KIAA1210: variants seen among roughly 807,000 people sequenced by gnomAD.
KIAA1210 encodes acrosomal protein KIAA1210.
In KIAA1210, 48 loss-of-function variants were observed where a neutral mutation model predicts 78.9. The observed-to-expected ratio is 0.61, with a 90% CI of 0.48 to 0.77. The LOEUF is 0.77. Ranked by LOEUF, KIAA1210 falls within the 30% of genes least tolerant of loss-of-function variation. The pLI is 0.00. For missense variants in KIAA1210, 1,108 were observed against 1,100.0 expected (o/e 1.01, Z -0.10); for synonymous variants, 406 against 404.5 (o/e 1.00, Z -0.04).
chrX:119,087,934 T>C lies in KIAA1210; in HGVS notation c.2768A>G (p.Gln923Arg). ...AGTGCTTTCTGGATGTGCAGAGAGT[T>C]GATACAGTTCCTCAAATTTAGGGGT... Reference protein sequence around the residue: ...WVTPKFEELYQLSAHPESTTV... With the variant: ...WVTPKFEELYRLSAHPESTTV... Residue 923 changes from glutamine (Q) to arginine (R), a missense_variant, in exon 9 of 12, where the codon CAA becomes CGA. Transcript: ENST00000691062. The C allele has an allele frequency of 8.3e-7, 1 of 1,211,838 alleles. No homozygotes were observed. Among genetic ancestry groups the C allele is most frequent in the Non-Finnish European group, 1.1e-6 (1 of 895,428 alleles).
intron 6 of KIAA1210, among the ~76,000 whole-genome samples, chrX:119,101,988 T>G (rs1603267311): frequency 8.9e-6 from 1 of 112,907 alleles, no homozygotes; most frequent in Non-Finnish European, 1.9e-5. Context: ...AAGGAAAGTG[T>G]TTAACACAGT....
rs1927143354 is a variant in KIAA1210, at chrX:119,086,625, T to C, written c.4077A>G (p.Ile1359Met). ...TCTGTTGCTTATCTGCAACGTAAGA[T>C]ATTTTGGTGAGGTTCCCTGCAGCAT... ...LLDAAGNLTK[I>M]SYVADKQQSR... Residue 1359 changes from isoleucine (I) to methionine (M), a missense_variant, in exon 9 of 12, where the codon ATA (isoleucine) becomes ATG (methionine). Transcript: ENST00000691062. 6.6e-6 allele frequency: 8 copies of C among 1,211,379 alleles called. No homozygotes were observed. Among genetic ancestry groups the C allele is most frequent in the Non-Finnish European group, 8.9e-6 (8 of 895,339 alleles).
At chrX:119,092,202 G>A (rs1050621641) in intron 8 of KIAA1210, among the ~76,000 whole-genome samples, 2 of 111,960 alleles carry the variant, frequency 1.8e-5, no homozygotes, top group Non-Finnish European at 3.8e-5. Flanking sequence ...CAAGGTAGTA[G>A]TTGTACAGAT....
chrX:119,139,388 G>A (rs971354181), intron 2 of KIAA1210, among the ~76,000 whole-genome samples: 4 of 111,898 alleles, frequency 3.6e-5, no homozygotes, highest in Admixed American at 9.5e-5. Context: ...TGGGAGGGGA[G>A]TGGATGGTGA....
intron 8 of KIAA1210, among the ~76,000 whole-genome samples, chrX:119,093,089 T>C (rs1927437403): frequency 8.9e-6 from 1 of 112,073 alleles, no homozygotes; most frequent in South Asian, 3.7e-4. Flanking sequence ...ATTTTCACTC[T>C]GGTGATATTT....
In KIAA1210 at chrX:119,123,581, C is replaced by T; in HGVS notation, c.61+1G>A. 8.6e-7 allele frequency: 1 copy of T among 1,167,662 alleles called. No individual in the cohort carries two copies. ...TATCAAAGTTTTATTGGGTTACTTA[C>T]CCTCATCACCGGCCTCCAGAACATC... On this transcript the variant is annotated splice_donor_variant, in intron 2 of 11. Transcript: ENST00000691062. LOFTEE classifies it high-confidence loss of function.
At position 119,109,316 on chromosome X, in the gene KIAA1210, C is replaced by A. The variant is rs952496916; in HGVS notation, c.231-114G>T. On this transcript the variant is annotated intron_variant, in intron 3 of 11. Transcript: ENST00000691062. Reference sequence around the variant, plus strand: ...ATACCTCAGAAGGAGAGCAGGGATGCATATGTGCTGACATAGAAAGTGGTT... The same window carrying A: ...ATACCTCAGAAGGAGAGCAGGGATGAATATGTGCTGACATAGAAAGTGGTT... 3.2e-5 allele frequency: 23 copies of A among 709,874 alleles called. No individual in the cohort carries two copies. The African/African-American group carries it at 4.6e-4, about 14-fold the overall frequency. The allele number at this position is 709,874 out of a possible 1,213,427, so 58.5% of individuals were successfully genotyped here.
chrX:119,138,211 G>GTTTTTTTTTTTTTTTTTTTTTTTTTTTT (rs759946882), intron 2 of KIAA1210, among the ~76,000 whole-genome samples: 1 of 47,831 alleles, frequency 2.1e-5, no homozygotes, highest in Non-Finnish European at 3.4e-5. Flanking sequence ...TGGTTTGGTT[G>GTTTTTTTTTTTTTTTTTTTTTTTTTTTT]TTTTTTTTTT....
Position 119,150,404 on chromosome X carries a change from T to C in KIAA1210, c.176A>G (p.Glu59Gly), listed in dbSNP as rs188726653. Residue 59 changes from glutamate to glycine, a missense_variant, in exon 1 of 14, where the codon GAG becomes GGG. Coordinates refer to the KIAA1210 transcript ENST00000402510. ...GCCAAGCTCCCCCTTGGTGCTTCCC[T>C]CCTTCTTGCCTTTGTAAGTCAACCA... 3.0e-4 allele frequency: 367 copies of C among 1,209,739 alleles called. No individual in the cohort carries two copies. In the African/African-American group the frequency reaches 5.6e-3, roughly 18 times the overall value.
chrX:119,127,920 T>C (rs1928691210), upstream of KIAA1210, among the ~76,000 whole-genome samples: 1 of 111,161 alleles, frequency 9.0e-6, no homozygotes, highest in South Asian at 3.8e-4. Context: ...AACACCACAC[T>C]CCCTTAATTT....
intron 7 of KIAA1210, 61 bp from the exon 8 acceptor site, chrX:119,093,836 G>A: frequency 9.7e-7 from 1 of 1,026,668 alleles, no homozygotes; most frequent in Admixed American, 2.6e-5. Flanking sequence ...ACGCCTGCAT[G>A]GTTGCCAAAG....
intron 3 of KIAA1210, among the ~76,000 whole-genome samples, chrX:119,115,929 G>C (rs1195779275): frequency 8.9e-6 from 1 of 111,973 alleles, no homozygotes; most frequent in Non-Finnish European, 1.9e-5. Flanking sequence ...AGGGAGAAAG[G>C]GATCTGGGCT....
At chrX:119,138,900 C>A (rs1928983928) in intron 2 of KIAA1210, among the ~76,000 whole-genome samples, 1 of 111,796 alleles carries the variant, frequency 8.9e-6, no homozygotes, top group South Asian at 3.8e-4. Flanking sequence ...GGCCCCTGAC[C>A]CAGCTGGACA....
chrX:119,101,177 T>C (rs1927726421), intron 6 of KIAA1210, among the ~76,000 whole-genome samples: 1 of 112,553 alleles, frequency 8.9e-6, no homozygotes, highest in Admixed American at 9.4e-5. Flanking sequence ...CAAAGGAGTT[T>C]AGTCAATAAT....
chrX:119,109,745 A>T (rs568585147), intron 3 of KIAA1210, among the ~76,000 whole-genome samples: 4 of 111,404 alleles, frequency 3.6e-5, no homozygotes, highest in Non-Finnish European at 5.7e-5. Flanking sequence ...GTTTTGATTT[A>T]AAAAAAATCA....
At chrX:119,105,209 G>GT (rs1927858625) in intron 5 of KIAA1210, 62 bp from the exon 6 acceptor site, 4 of 1,051,526 alleles carry the variant, frequency 3.8e-6, no homozygotes, top group Non-Finnish European at 2.5e-6. Context: ...CAAATTAGTG[G>GT]TTTTCTCTTA....
Position 119,116,684 on chromosome X carries a change from A to T in KIAA1210, c.62-20T>A, listed in dbSNP as rs764333119. ...TCTTTCCTGGAAGTGAAAAATGAAA[A>T]TGAGGCAGAGTGTGATGGTAGAAGG... On this transcript the variant is annotated intron_variant, in intron 2 of 11. Transcript: ENST00000691062. 1 of 1,180,361 alleles carries T rather than the reference A, an allele frequency of 8.5e-7. No individual in the cohort carries two copies. Among genetic ancestry groups the T allele is most frequent in the Middle Eastern group, 2.4e-4 (1 of 4,173 alleles).
chrX:119,083,558 T>G (rs781436403), intron 10 of KIAA1210, among the ~76,000 whole-genome samples: 1 of 112,505 alleles, frequency 8.9e-6, no homozygotes, highest in Non-Finnish European at 1.9e-5. Context: ...AGCTGACATA[T>G]GACTTGAAGC....
upstream of KIAA1210, among the ~76,000 whole-genome samples, chrX:119,132,484 C>T (rs181332539): frequency 3.6e-4 from 40 of 111,138 alleles, no homozygotes; most frequent in Middle Eastern, 4.6e-3. Context: ...CACTTCTTTA[C>T]GAAGAACTTA....
Sources: gnomAD v4.1 joint callset for allele counts (sites outside exome capture counted in the v4.1 genomes callset) on GRCh38, gnomAD v4.1.1 for gene constraint, MANE v1.5 for transcripts, NCBI Gene and HGNC (gene_info 2026-07-23, HGNC 2026-07-21) for gene names.